The following PGS1 variants were observed in gnomAD, a reference collection of about 807,000 sequenced individuals.
PGS1 encodes the protein CDP-diacylglycerol--glycerol-3-phosphate 3-phosphatidyltransferase, mitochondrial.
In PGS1, 44 loss-of-function variants were observed where a neutral mutation model predicts 58.3. The observed-to-expected ratio is 0.75, with a 90% CI of 0.59 to 0.97. The LOEUF (loss-of-function observed/expected upper bound fraction) is 0.97, where lower values mean the gene tolerates loss of function less well. PGS1 is among the 50% of genes least tolerant of loss of function. The pLI is 0.00. For synonymous variants in PGS1, 330 were observed against 311.0 expected (o/e 1.06, Z -0.64); for missense variants, 684 against 731.1 (o/e 0.94, Z 0.74).
chr17:78,420,572 C>CAGGACCCAT (rs1302391036), intron 9 of PGS1: 2 of 152,202 alleles, frequency 1.3e-5, no homozygotes, highest in Non-Finnish European at 2.9e-5. Context: ...AAAGATGAGC[C>CAGGACCCAT]AGGACCCATG....
chr17:78,378,666 A>ATGGCGG lies in PGS1; in HGVS notation c.8_13dup (p.Val3_Ala4dup), dbSNP rs767269824. 54 of 1,534,234 alleles carry ATGGCGG rather than the reference A, an allele frequency of 3.5e-5. No homozygotes were observed. The South Asian group carries it at 4.0e-4, about 11-fold the overall frequency. On this transcript the variant is annotated inframe_insertion, in exon 1 of 10. Coordinates refer to ENST00000262764, the MANE Select transcript of PGS1 (RefSeq NM_024419.5). ...GCGGAAGCGGAAGCGGCGAGTCTCC[A>ATGGCGG]TGGCGGTGGCGGCGGCAGCTGCGGC... is the stretch of plus-strand genomic sequence containing the variant.
In PGS1 at chr17:78,378,769, C is replaced by T. The variant is rs762063932; in HGVS notation, c.104C>T (p.Ser35Phe). The T allele has an allele frequency of 2.0e-6, 3 of 1,493,244 alleles. No individual in the cohort carries two copies. Among genetic ancestry groups the T allele is most frequent in the Non-Finnish European group, 1.8e-6 (2 of 1,128,470 alleles). The allele number at this position is 1,493,244 out of a possible 1,614,324, so 92.5% of individuals were successfully genotyped here. The part of the protein sequence containing the change: ...PGLAALLGRL[S>F]DRLGRNRDRQ... Reference sequence around the variant, plus strand: ...CTGGCCGCGCTCCTGGGACGCCTGTCCGACCGCCTCGGCAGGAACCGGGAC... The same window carrying T: ...CTGGCCGCGCTCCTGGGACGCCTGTTCGACCGCCTCGGCAGGAACCGGGAC... The change falls in exon 1 of 10, where the codon TCC (serine) becomes TTC (phenylalanine). Residue 35 changes from serine (S) to phenylalanine (F), a missense_variant. Coordinates refer to ENST00000262764, the MANE Select transcript of PGS1 (RefSeq NM_024419.5).
rs1002750520 is a variant in PGS1 at position 78,405,217 on chromosome 17, C to T, written c.1402+1128C>T. ...TCCACCATGTTGGCCAGGCTGGTCT[C>T]GAATGCCTGACCTTGTGAGCCACTT... On this transcript the variant is annotated intron_variant, in intron 7 of 9. Transcript: ENST00000262764. Among the ~76,000 whole-genome samples, 6 of 151,380 alleles carry T rather than the reference C, an allele frequency of 4.0e-5. No homozygotes were observed. In the South Asian group the frequency reaches 6.3e-4, roughly 16 times the overall value.
chr17:78,401,510 G>A (rs1045361023), intron 6 of PGS1, among the ~76,000 whole-genome samples: 1 of 152,224 alleles, frequency 6.6e-6, no homozygotes, highest in South Asian at 2.1e-4. Flanking sequence ...TGCGGCTGTG[G>A]CTCCCCCATG....
At chr17:78,423,859 A>AGTT in intron 9 of PGS1, 1 of 1,605,074 alleles carries the variant, frequency 6.2e-7, no homozygotes, top group Non-Finnish European at 8.5e-7. Context: ...TGAAGGGCTG[A>AGTT]GTTGTGGTCC....
At chr17:78,413,132 T>C (rs886227778) in intron 7 of PGS1, among the ~76,000 whole-genome samples, 4 of 152,146 alleles carry the variant, frequency 2.6e-5, no homozygotes, top group African/African-American at 7.2e-5. Flanking sequence ...TATGGCACAA[T>C]GCACACAGGC....
chr17:78,380,162 G>A (rs1259515053), intron 1 of PGS1, among the ~76,000 whole-genome samples: 1 of 151,980 alleles, frequency 6.6e-6, no homozygotes, highest in Non-Finnish European at 1.5e-5. Context: ...CACCGTGCCC[G>A]GCTGCAAATA....
chr17:78,409,870 G>A (rs1191398785), intron 7 of PGS1, among the ~76,000 whole-genome samples: 1 of 152,196 alleles, frequency 6.6e-6, no homozygotes, highest in African/African-American at 2.4e-5. Context: ...CAGCACTTTG[G>A]GAGGCCAAGG....
At chr17:78,410,301 C>CGGGT (rs2084531975) in intron 7 of PGS1, among the ~76,000 whole-genome samples, 1 of 147,514 alleles carries the variant, frequency 6.8e-6, no homozygotes, top group Admixed American at 6.7e-5. Context: ...TGGTTACAGC[C>CGGGT]GCCTGTAATC....
chr17:78,405,245 C>T (rs964754338), intron 7 of PGS1, among the ~76,000 whole-genome samples: 3 of 152,130 alleles, frequency 2.0e-5, no homozygotes, highest in Admixed American at 6.5e-5. Context: ...AGCCACTTGT[C>T]TCAGCCTTCC....
intron 4 of PGS1, 50 bp downstream of exon 4, chr17:78,398,401 A>G (rs1459374974): frequency 8.1e-7 from 1 of 1,232,420 alleles, no homozygotes; most frequent in South Asian, 1.2e-5. Flanking sequence ...TCAGATCCTC[A>G]GTCCCAAGAG....
chr17:78,378,680 G>C lies in PGS1; in HGVS notation c.15G>C (p.Ala5=), dbSNP rs2081805825. ...GGCGAGTCTCCATGGCGGTGGCGGC[G>C]GCAGCTGCGGCGGGACCCGTGTTCT... is the stretch of plus-strand genomic sequence containing the variant. MAVA[A]AAAAGPVFWR... Residue 5 remains alanine, a synonymous_variant, in exon 1 of 10, where the codon GCG becomes GCC. Transcript: ENST00000262764. 2.0e-6 allele frequency: 3 copies of C among 1,533,122 alleles called. No homozygotes were observed. Among genetic ancestry groups the C allele is most frequent in the Non-Finnish European group, 2.6e-6 (3 of 1,147,440 alleles). 95.0% of individuals were successfully genotyped at this position (1,533,122 alleles called of 1,614,324 possible).
chr17:78,412,090 G>C (rs550015775), intron 7 of PGS1, among the ~76,000 whole-genome samples: 1 of 151,928 alleles, frequency 6.6e-6, no homozygotes, highest in African/African-American at 2.4e-5. Flanking sequence ...ACTGACTTGT[G>C]AGCTGAAATC....
chr17:78,392,563 G>A lies in PGS1; in HGVS notation c.231G>A (p.Val77=), dbSNP rs1201745160. 1 of 1,614,020 alleles carries A rather than the reference G, an allele frequency of 6.2e-7. No homozygotes were observed. The highest frequency in any genetic ancestry group is 1.7e-5 in the Admixed American group (1 of 60,006). ...SPPCCLCPEG[V]HRFQWIRNLV... ...CTTGCTGCCTGTGTCCAGAAGGCGT[G>A]CACCGGTTCCAGTGGATCAGAAACC... The change falls in exon 2 of 10, where the codon GTG becomes GTA. Residue 77 remains valine (V), a synonymous_variant. Coordinates refer to ENST00000262764, the MANE Select transcript of PGS1 (RefSeq NM_024419.5).
chr17:78,397,027 C>T (rs545167099), intron 3 of PGS1, among the ~76,000 whole-genome samples: 108 of 152,328 alleles, frequency 7.1e-4, no homozygotes, highest in Non-Finnish European at 1.4e-3. Flanking sequence ...CTGGCTGGCT[C>T]GTTCTGCCAA....
In PGS1 at chr17:78,398,251, G is replaced by A. The variant is rs984895355; in HGVS notation, c.412-1G>A. The A allele has an allele frequency of 1.2e-6, 2 of 1,605,016 alleles. No individual in the cohort carries two copies. Among genetic ancestry groups the A allele is most frequent in the Admixed American group, 3.3e-5 (2 of 60,002 alleles). ...TTCTTTTCTGTGTTCTTTCTTGGTA[G>A]GTGGACTGCCTGGAAAGTACTCTAG... On this transcript the variant is annotated splice_acceptor_variant, in intron 3 of 9. Coordinates refer to ENST00000262764, the MANE Select transcript of PGS1 (RefSeq NM_024419.5). LOFTEE classifies it high-confidence loss of function.
chr17:78,380,273 T>A (rs1053567435), intron 1 of PGS1, among the ~76,000 whole-genome samples: 4 of 152,230 alleles, frequency 2.6e-5, no homozygotes, highest in African/African-American at 9.6e-5. Context: ...TATCTGTACG[T>A]GTACTCCTCG....
rs1033641295 is a variant in PGS1 at position 78,424,222 on chromosome 17, T to G, written c.*172T>G. 316 of 1,535,720 alleles carry G rather than the reference T, an allele frequency of 2.1e-4. No individual in the cohort carries two copies. Among genetic ancestry groups the G allele is most frequent in the Non-Finnish European group, 2.6e-4 (300 of 1,143,664 alleles). The stretch of plus-strand genomic sequence containing the variant: ...GTGAGGGAGGGGCTGGCAGGAAGGG[T>G]GGGGTCCTCACACTCCCCGCCCTCT... On this transcript the variant is annotated 3_prime_UTR_variant, in exon 10 of 10. Transcript: ENST00000262764.
At chr17:78,384,668 G>A (rs1260915417) in intron 1 of PGS1, among the ~76,000 whole-genome samples, 1 of 152,170 alleles carries the variant, frequency 6.6e-6, no homozygotes, top group Non-Finnish European at 1.5e-5. Context: ...CCTGTGTTTG[G>A]TATGGAGAGC....
Sources: gnomAD v4.1 joint callset for allele counts (sites outside exome capture counted in the v4.1 genomes callset) on GRCh38, gnomAD v4.1.1 for gene constraint, MANE v1.5 for transcripts, NCBI Gene and HGNC (gene_info 2026-07-23, HGNC 2026-07-21) for gene names.